RASSF6: variants seen among roughly 807,000 people sequenced by gnomAD.
RASSF6 encodes ras association domain-containing protein 6.
RASSF6 carries 52 observed loss-of-function variants against 44.0 expected under a neutral mutation model. That is an observed-to-expected ratio of 1.18 (90% CI 0.95 to 1.49). RASSF6 has a LOEUF of 1.49. Ranked by LOEUF, RASSF6 falls within the 40% of genes most tolerant of loss-of-function variation. RASSF6 has a pLI of 0.00. For missense variants in RASSF6, 464 were observed against 393.3 expected (o/e 1.18, Z -1.52); for synonymous variants, 162 against 124.6 (o/e 1.30, Z -2.00).
chr4:73,618,454 A>G (rs943999424), intron 1 of RASSF6, among the ~76,000 whole-genome samples: 5 of 152,158 alleles, frequency 3.3e-5, no homozygotes, highest in African/African-American at 1.2e-4. Context: ...TATGTCTATC[A>G]ATAAATATAA....
At chr4:73,613,432 G>A (rs1726155003) in intron 1 of RASSF6, among the ~76,000 whole-genome samples, 1 of 152,148 alleles carries the variant, frequency 6.6e-6, no homozygotes, top group African/African-American at 2.4e-5. Flanking sequence ...GGTTCCTCCA[G>A]CTTCTCAAAC....
chr4:73,588,971 G>T (rs1724321174), intron 4 of RASSF6, among the ~76,000 whole-genome samples: 1 of 151,930 alleles, frequency 6.6e-6, no homozygotes, highest in Admixed American at 6.6e-5. Flanking sequence ...TCACTTATAG[G>T]GAATTTATGG....
intron 2 of RASSF6, among the ~76,000 whole-genome samples, chr4:73,607,072 T>C (rs1725691048): frequency 6.6e-6 from 1 of 152,190 alleles, no homozygotes; most frequent in Admixed American, 6.5e-5. Context: ...TGGTTATCTT[T>C]ACATTCAACA....
chr4:73,616,871 A>G (rs1363329903), intron 1 of RASSF6, among the ~76,000 whole-genome samples: 1 of 152,342 alleles, frequency 6.6e-6, no homozygotes, highest in Non-Finnish European at 1.5e-5. Flanking sequence ...CAAAGTTATG[A>G]CCTGGAACCT....
chr4:73,615,846 C>T (rs1186392479), intron 1 of RASSF6: 1 of 1,510,778 alleles, frequency 6.6e-7, no homozygotes. Flanking sequence ...GTTCACCTCC[C>T]CCTGCTCTGC....
At chr4:73,595,615 A>G (rs1012709953) in intron 3 of RASSF6, among the ~76,000 whole-genome samples, 43 of 152,312 alleles carry the variant, frequency 2.8e-4, no homozygotes, top group Middle Eastern at 3.4e-3. Context: ...AACAAACTTA[A>G]CATCATGAAT....
intron 4 of RASSF6, among the ~76,000 whole-genome samples, chr4:73,590,774 T>G (rs546785639): frequency 6.6e-6 from 1 of 152,318 alleles, no homozygotes; most frequent in African/African-American, 2.4e-5. Context: ...AATGGGATCT[T>G]TTTCTGCCAA....
At chr4:73,609,970 C>G (rs1265258561) in intron 2 of RASSF6, among the ~76,000 whole-genome samples, 2 of 152,092 alleles carry the variant, frequency 1.3e-5, no homozygotes, top group Non-Finnish European at 2.9e-5. Context: ...AGCCAAGGGT[C>G]TATACTGTGA....
rs1225710882 is a variant in RASSF6, at chr4:73,576,193, T to C, written c.*42A>G. The C allele has an allele frequency of 5.4e-6, 6 of 1,105,770 alleles. No individual in the cohort carries two copies. The highest frequency in any genetic ancestry group is 6.7e-6 in the Non-Finnish European group (5 of 744,904). 68.5% of individuals were successfully genotyped at this position (1,105,770 alleles called of 1,614,324 possible). On this transcript the variant is annotated 3_prime_UTR_variant, in exon 11 of 11. Transcript: ENST00000307439. ...TATGCATTCATCAAAGAGTAATATC[T>C]CTGAGTTTTTTGAAATGTTTTAGCA...
intron 2 of RASSF6, among the ~76,000 whole-genome samples, chr4:73,606,467 A>C (rs1404854697): frequency 6.6e-6 from 1 of 152,230 alleles, no homozygotes. Flanking sequence ...ATTGGATACT[A>C]TGCCGACTAC....
rs145141291 is a variant in RASSF6, at chr4:73,606,280, C to T, written c.65+5451G>A. On this transcript the variant is annotated intron_variant, in intron 2 of 10. Transcript: ENST00000307439. ...TCCTTTGCAGCAATATGGATGCAGCCGGAGGCTATTATCCTAAGTGAACTA... is the reference window on the plus strand; with the variant it reads ...TCCTTTGCAGCAATATGGATGCAGCTGGAGGCTATTATCCTAAGTGAACTA... Among the ~76,000 whole-genome samples, 910 of 152,178 alleles carry T rather than the reference C, an allele frequency of 6.0e-3. 3 individuals are homozygous for T. Among genetic ancestry groups the T allele is most frequent in the South Asian group, 0.018 (88 of 4,820 alleles).
rs933366855 is a variant in RASSF6, at chr4:73,593,579, T to C, written c.159A>G (p.Lys53=). The C allele has an allele frequency of 6.2e-7, 1 of 1,613,468 alleles. No individual in the cohort carries two copies. The highest frequency in any genetic ancestry group is 8.5e-7 in the Non-Finnish European group (1 of 1,179,788). ...HILYGETEDG[K]LIVEGMLDIF... ...TGTCCAGCATTCCTTCAACAATTAGTTTGCCATCTTCAGTCTAAGGAAGAA... is the reference window on the plus strand; with the variant it reads ...TGTCCAGCATTCCTTCAACAATTAGCTTGCCATCTTCAGTCTAAGGAAGAA... Residue 53 remains lysine, a synonymous_variant, in exon 4 of 11, where the codon AAA becomes AAG. Transcript: ENST00000307439.
chr4:73,586,496 G>T (rs1724106399), intron 5 of RASSF6, among the ~76,000 whole-genome samples: 1 of 151,766 alleles, frequency 6.6e-6, no homozygotes, highest in Non-Finnish European at 1.5e-5. Context: ...CCTGCCTTCT[G>T]CCCCCCTTTC....
At chr4:73,580,330 C>G (rs1723534823) in intron 8 of RASSF6, among the ~76,000 whole-genome samples, 1 of 150,140 alleles carries the variant, frequency 6.7e-6, no homozygotes, top group African/African-American at 2.5e-5. Flanking sequence ...CCGCAATAAA[C>G]ATACGTGTGC....
At chr4:73,613,208 C>A (rs1020344997) in intron 1 of RASSF6, among the ~76,000 whole-genome samples, 1 of 152,202 alleles carries the variant, frequency 6.6e-6, no homozygotes, top group African/African-American at 2.4e-5. Context: ...TCTGATAGCA[C>A]ATCATTGGCA....
chr4:73,604,075 G>A (rs1318198960), intron 2 of RASSF6: 1 of 152,182 alleles, frequency 6.6e-6, no homozygotes, highest in East Asian at 1.9e-4. Context: ...ACTCAACGAG[G>A]TTGCCAAAGG....
chr4:73,616,847 C>T (rs1245299576), intron 1 of RASSF6, among the ~76,000 whole-genome samples: 1 of 152,118 alleles, frequency 6.6e-6, no homozygotes, highest in Admixed American at 6.5e-5. Flanking sequence ...ATCTCCAAAA[C>T]GAAACTGTTT....
intron 2 of RASSF6, among the ~76,000 whole-genome samples, chr4:73,600,493 G>A (rs1455983265): frequency 6.6e-6 from 1 of 152,122 alleles, no homozygotes; most frequent in Non-Finnish European, 1.5e-5. Flanking sequence ...GAAAATGAGA[G>A]GGCAGGGAGT....
chr4:73,598,670 G>A lies in RASSF6; in HGVS notation c.114C>T (p.Asn38=). 6.5e-7 allele frequency: 1 copy of A among 1,533,964 alleles called. No individual in the cohort carries two copies. Among genetic ancestry groups the A allele is most frequent in the East Asian group, 2.3e-5 (1 of 44,050 alleles). The change falls in exon 3 of 11, where the codon AAC becomes AAT. Residue 38 remains asparagine (N), a synonymous_variant. Transcript: ENST00000307439. The stretch of plus-strand genomic sequence containing the variant: ...CATATAAAATATGCAGATTTTTCTG[G>A]TTCTCATAAAAAATGTTATAGGTCT... ...LLKTYNIFYE[N]QKNLHILYGE...
Sources: gnomAD v4.1 joint callset for allele counts (sites outside exome capture counted in the v4.1 genomes callset) on GRCh38, gnomAD v4.1.1 for gene constraint, MANE v1.5 for transcripts, NCBI Gene and HGNC (gene_info 2026-07-23, HGNC 2026-07-21) for gene names.